Variants in SLC39A9 observed in about 807,000 individuals in gnomAD.
The protein encoded by SLC39A9 is zinc transporter ZIP9.
A neutral mutation model predicts 28.4 loss-of-function variants in SLC39A9; 14 were observed. The observed-to-expected ratio is 0.49, with a 90% CI of 0.33 to 0.77. The LOEUF is 0.77. Ranked by LOEUF, SLC39A9 falls within the 30% of genes least tolerant of loss-of-function variation. SLC39A9 has a pLI of 0.02. For synonymous variants in SLC39A9, 119 were observed against 149.6 expected (o/e 0.80, Z 1.49); for missense variants, 283 against 381.1 (o/e 0.74, Z 2.14).
chr14:69,420,859 T>A (rs1883846304), intron 1 of SLC39A9, among the ~76,000 whole-genome samples: 1 of 152,356 alleles, frequency 6.6e-6, no homozygotes, highest in African/African-American at 2.4e-5. Context: ...ATTTAAGGTC[T>A]TCTCTACATT....
chr14:69,456,900 T>C lies in SLC39A9; in HGVS notation c.693+1034T>C, dbSNP rs566899436. ...GATCTTAGATGCTAAGAGTGTGTTA[T>C]AAAAACCCTTTCCATTTACCTGAAG... On this transcript the variant is annotated intron_variant, in intron 6 of 6. Coordinates refer to ENST00000336643, the MANE Select transcript of SLC39A9 (RefSeq NM_018375.5). 4.9e-4 allele frequency among the ~76,000 whole-genome samples: 75 copies of C among 152,306 alleles called. No individual in the cohort carries two copies. In the South Asian group the frequency reaches 0.015, roughly 31 times the overall value.
intron 1 of SLC39A9, among the ~76,000 whole-genome samples, chr14:69,404,628 C>T (rs2140245557): frequency 6.6e-6 from 1 of 152,278 alleles, no homozygotes. Context: ...CCCCTCCTCC[C>T]CTTCGCAGTC....
chr14:69,458,277 C>T, intron 6 of SLC39A9, 86 bp from the exon 7 acceptor site: 1 of 1,526,766 alleles, frequency 6.5e-7, no homozygotes, highest in Non-Finnish European at 8.9e-7. Flanking sequence ...CAGTTAAGAA[C>T]AGTGAGTGTT....
At chr14:69,443,861 C>A (rs1438781253) in intron 3 of SLC39A9, among the ~76,000 whole-genome samples, 1 of 148,282 alleles carries the variant, frequency 6.7e-6, no homozygotes, top group African/African-American at 2.5e-5. Context: ...AAAGTGAGAC[C>A]CTGTCTCAAA....
chr14:69,434,646 G>C (rs1884659953), intron 2 of SLC39A9, among the ~76,000 whole-genome samples: 1 of 152,176 alleles, frequency 6.6e-6, no homozygotes, highest in African/African-American at 2.4e-5. Context: ...TGCACTCTAG[G>C]CTGGGTGAAA....
chr14:69,440,899 G>A (rs759751259), intron 2 of SLC39A9, among the ~76,000 whole-genome samples: 6 of 152,104 alleles, frequency 3.9e-5, no homozygotes, highest in African/African-American at 1.2e-4. Flanking sequence ...TCCTGGCCTC[G>A]TGATCTGCCC....
In SLC39A9 at chr14:69,460,419, T is replaced by A; in HGVS notation, c.*1826T>A. ...GAAGGTATAGTATGGAAAGTCCAAA[T>A]GACTTCCTTGATTGGATGTTAACAG... On this transcript the variant is annotated 3_prime_UTR_variant, in exon 7 of 7. Coordinates refer to ENST00000336643, the MANE Select transcript of SLC39A9 (RefSeq NM_018375.5). 1.0e-6 allele frequency: 1 copy of A among 985,514 alleles called. No homozygotes were observed. The allele number at this position is 985,514 out of a possible 1,614,324, so 61.0% of individuals were successfully genotyped here.
In SLC39A9 at chr14:69,459,176, T is replaced by C. The variant is rs1886004133; in HGVS notation, c.*583T>C. 1.0e-6 allele frequency: 1 copy of C among 985,786 alleles called. No homozygotes were observed. The highest frequency in any genetic ancestry group is 1.2e-6 in the Non-Finnish European group (1 of 830,098). 61.1% of individuals were successfully genotyped at this position (985,786 alleles called of 1,614,324 possible). A position where few individuals can be genotyped will look rare whatever the true frequency, so the allele number is the denominator to read the frequency against. On this transcript the variant is annotated 3_prime_UTR_variant, in exon 7 of 7. Coordinates refer to ENST00000336643, the MANE Select transcript of SLC39A9 (RefSeq NM_018375.5). ...AGCAAGACACATTGAAAGCTCTCTT[T>C]ATACTCAAAAGAGATATCCATTGAA...
intron 2 of SLC39A9, among the ~76,000 whole-genome samples, chr14:69,438,654 C>G (rs1594936248): frequency 6.6e-6 from 1 of 152,142 alleles, no homozygotes; most frequent in Non-Finnish European, 1.5e-5. Flanking sequence ...TAATGCAGCA[C>G]TTTACTGTGC....
Position 69,458,169 on chromosome 14 carries a change from G to A in SLC39A9, c.694-194G>A, listed in dbSNP as rs544984682. ...ATAAATTTTTTAAAAAATCAATTGCGTACATCACTGATATTCTTAAACCCT... is the reference window on the plus strand; with the variant it reads ...ATAAATTTTTTAAAAAATCAATTGCATACATCACTGATATTCTTAAACCCT... On this transcript the variant is annotated intron_variant, in intron 6 of 6. Transcript: ENST00000336643. Among the ~76,000 whole-genome samples the A allele has an allele frequency of 5.9e-4, 90 of 152,020 alleles. 1 individual carries two copies. The highest frequency in any genetic ancestry group is 5.4e-3 in the South Asian group (26 of 4,810).
At chr14:69,453,442 C>G (rs1885709772) in intron 4 of SLC39A9, 133 bp downstream of exon 4, 1 of 707,906 alleles carries the variant, frequency 1.4e-6, no homozygotes, top group African/African-American at 1.8e-5. Context: ...TAATGAAGTC[C>G]TCCAACACAA....
chr14:69,439,164 A>G (rs1884923586), intron 2 of SLC39A9, among the ~76,000 whole-genome samples: 1 of 151,856 alleles, frequency 6.6e-6, no homozygotes, highest in South Asian at 2.1e-4. Flanking sequence ...AAAAGAAACT[A>G]TGAAAACAAT....
chr14:69,410,844 A>T (rs1347651716), intron 1 of SLC39A9, among the ~76,000 whole-genome samples: 2 of 151,182 alleles, frequency 1.3e-5, no homozygotes, highest in Non-Finnish European at 2.9e-5. Context: ...TTTTTTAGGA[A>T]GCTGTAGTTG....
chr14:69,448,621 G>C (rs900130694), intron 3 of SLC39A9, among the ~76,000 whole-genome samples: 2 of 152,188 alleles, frequency 1.3e-5, no homozygotes, highest in Admixed American at 6.5e-5. Flanking sequence ...AAATGTTCCA[G>C]ATTAAAGGAG....
intron 2 of SLC39A9, among the ~76,000 whole-genome samples, chr14:69,436,848 A>G (rs900004146): frequency 1.2e-4 from 19 of 152,318 alleles, no homozygotes; most frequent in African/African-American, 4.3e-4. Context: ...ACATAGTTCC[A>G]TGTGACTTGG....
intron 1 of SLC39A9, among the ~76,000 whole-genome samples, chr14:69,412,928 A>G (rs1883353419): frequency 6.6e-6 from 1 of 152,200 alleles, no homozygotes; most frequent in Admixed American, 6.5e-5. Context: ...ATTCATTCAG[A>G]TTTACCTTGA....
chr14:69,399,831 A>C (rs1188057846), intron 1 of SLC39A9, among the ~76,000 whole-genome samples: 2 of 152,136 alleles, frequency 1.3e-5, no homozygotes, highest in Non-Finnish European at 2.9e-5. Context: ...AAATAAATGG[A>C]GGGCTGGGCG....
At chr14:69,425,774 C>T (rs1481095746) in intron 2 of SLC39A9, among the ~76,000 whole-genome samples, 1 of 152,058 alleles carries the variant, frequency 6.6e-6, no homozygotes, top group African/African-American at 2.4e-5. Context: ...CCTCCCACCT[C>T]AGCCTCCTGA....
intron 1 of SLC39A9, among the ~76,000 whole-genome samples, chr14:69,417,629 T>G (rs1446142899): frequency 6.6e-6 from 1 of 152,226 alleles, no homozygotes; most frequent in East Asian, 1.9e-4. Context: ...TCCATTTGTT[T>G]GTGTTCTCTT....
Sources: allele counts gnomAD v4.1 joint callset (sites outside exome capture counted in the v4.1 genomes callset), GRCh38; gene constraint gnomAD v4.1.1; transcripts MANE v1.5; gene names NCBI Gene and HGNC (gene_info 2026-07-23, HGNC 2026-07-21).